Variants in NBEA observed in about 807,000 individuals in gnomAD.
The protein encoded by NBEA is neurobeachin.
NBEA carries 44 observed loss-of-function variants against 343.4 expected under a neutral mutation model. The observed-to-expected ratio is 0.13, with a 90% confidence interval of 0.10 to 0.16. The LOEUF is 0.16. Among genes scored for constraint, NBEA ranks in the 10% least tolerant of loss-of-function variants. NBEA has a pLI of 1.00. For synonymous variants in NBEA, 1,175 were observed against 1,238.7 expected (o/e 0.95, Z 1.08); for missense variants, 2,555 against 3,631.3 (o/e 0.70, Z 7.62).
intron 16 of NBEA, among the ~76,000 whole-genome samples, chr13:35,120,059 CTTTG>C (rs1040029327): frequency 7.2e-4 from 109 of 152,200 alleles, no homozygotes; most frequent in African/African-American, 2.4e-3. Flanking sequence ...TTAGATTTTG[CTTTG>C]TTTATTATAT....
chr13:35,225,131 G>A (rs529659593), intron 33 of NBEA, among the ~76,000 whole-genome samples: 9 of 152,218 alleles, frequency 5.9e-5, no homozygotes, highest in Non-Finnish European at 7.4e-5. Context: ...GTAGACTACT[G>A]TTATCTGTTA....
intron 47 of NBEA, among the ~76,000 whole-genome samples, 155 bp downstream of exon 47, chr13:35,593,602 A>T (rs2081631072): frequency 6.6e-6 from 1 of 152,124 alleles, no homozygotes. Flanking sequence ...AATAATTTTG[A>T]ACATTATAGA....
chr13:35,006,840 C>T (rs1013898257), intron 1 of NBEA, among the ~76,000 whole-genome samples: 1 of 152,172 alleles, frequency 6.6e-6, no homozygotes, highest in Non-Finnish European at 1.5e-5. Context: ...GCAACCTCCA[C>T]CTCCTGGATT....
chr13:35,546,780 C>G (rs575547001), intron 41 of NBEA, among the ~76,000 whole-genome samples: 13 of 151,992 alleles, frequency 8.6e-5, no homozygotes, highest in Non-Finnish European at 1.6e-4. Context: ...GTCTCGAACT[C>G]CTGACCTTGT....
rs73490339 is a variant in NBEA, at chr13:34,966,798, T to A, written c.294+23684T>A. Among the ~76,000 whole-genome samples the A allele has an allele frequency of 6.4e-3, 966 of 152,108 alleles. 11 individuals carry two copies. Among genetic ancestry groups the A allele is most frequent in the African/African-American group, 0.022 (925 of 41,530 alleles). On this transcript the variant is annotated intron_variant, in intron 1 of 58. Coordinates refer to ENST00000379939, the MANE Select transcript of NBEA (RefSeq NM_001385012.1). ...ATCATTATATTATTGTTTCTGCTAC[T>A]ATACTGCATGTTCATTTAGCACATT...
At chr13:35,655,477 T>G (rs2084772782) in intron 54 of NBEA, 102 bp from the exon 55 acceptor site, 2 of 1,240,816 alleles carry the variant, frequency 1.6e-6, no homozygotes, top group African/African-American at 3.1e-5. Flanking sequence ...AAAATAAAAT[T>G]AAAAATATGG....
chr13:35,161,561 G>T (rs1181913828), intron 22 of NBEA, among the ~76,000 whole-genome samples, 189 bp from the exon 23 acceptor site: 1 of 152,024 alleles, frequency 6.6e-6, no homozygotes, highest in African/African-American at 2.4e-5. Flanking sequence ...AAGCAATAAT[G>T]GAGACTTCAG....
At chr13:35,480,570 C>G (rs1159522640) in intron 41 of NBEA, among the ~76,000 whole-genome samples, 5 of 151,928 alleles carry the variant, frequency 3.3e-5, no homozygotes, top group Non-Finnish European at 7.4e-5. Context: ...GCTTATTACG[C>G]TGGGGAGATA....
intron 52 of NBEA, among the ~76,000 whole-genome samples, chr13:35,651,031 C>G (rs1347330494): frequency 3.3e-5 from 5 of 152,130 alleles, no homozygotes; most frequent in African/African-American, 7.2e-5. Flanking sequence ...CAGAGATAGG[C>G]AGCACATATC....
rs917522812 is a variant in NBEA at position 35,314,138 on chromosome 13, A to G, written c.5903+4546A>G. ...TGGCAGAATTCAGAAGAGATTTCAT[A>G]TGATGCCTTCTGTCTATGAAGTGGC... is the stretch of plus-strand genomic sequence containing the variant. On this transcript the variant is annotated intron_variant, in intron 36 of 58. Coordinates refer to ENST00000379939, the MANE Select transcript of NBEA (RefSeq NM_001385012.1). 7.2e-4 allele frequency among the ~76,000 whole-genome samples: 110 copies of G among 152,182 alleles called. 2 individuals carry two copies. The highest frequency in any genetic ancestry group is 7.2e-3 in the Admixed American group (110 of 15,266).
At chr13:35,317,796 A>G (rs1309381802) in intron 36 of NBEA, among the ~76,000 whole-genome samples, 1 of 152,094 alleles carries the variant, frequency 6.6e-6, no homozygotes, top group Non-Finnish European at 1.5e-5. Flanking sequence ...AGTGGTTTAT[A>G]GTTCTCCTTG....
intron 41 of NBEA, among the ~76,000 whole-genome samples, chr13:35,505,355 C>T (rs191494673): frequency 1.8e-4 from 28 of 152,224 alleles, no homozygotes; most frequent in Non-Finnish European, 2.8e-4. Context: ...CACGATGCTC[C>T]GCAGTTAATG....
chr13:35,225,551 A>G (rs78139432), intron 33 of NBEA, among the ~76,000 whole-genome samples: 4,550 of 151,974 alleles, frequency 0.03, 102 homozygotes, highest in Non-Finnish European at 0.045. Context: ...GCTGCCTCCA[A>G]TTTTTCTCCT....
intron 53 of NBEA, among the ~76,000 whole-genome samples, chr13:35,654,608 C>A (rs546698977): frequency 4.5e-4 from 68 of 152,286 alleles, no homozygotes; most frequent in African/African-American, 1.6e-3. Context: ...TTGAATTCCT[C>A]ATATTGTTTT....
intron 34 of NBEA, among the ~76,000 whole-genome samples, chr13:35,269,676 A>G (rs1176398397): frequency 3.9e-5 from 6 of 152,196 alleles, no homozygotes; most frequent in Admixed American, 2.0e-4. Context: ...AAATTTGACA[A>G]TGAAACAAAA....
At chr13:35,431,239 G>A (rs2045091139) in intron 38 of NBEA, among the ~76,000 whole-genome samples, 1 of 152,030 alleles carries the variant, frequency 6.6e-6, no homozygotes, top group African/African-American at 2.4e-5. Flanking sequence ...CAGACTTAAA[G>A]TGTTCTTCTA....
chr13:35,587,538 G>A (rs1000134918), intron 46 of NBEA, among the ~76,000 whole-genome samples: 1 of 152,122 alleles, frequency 6.6e-6, no homozygotes, highest in African/African-American at 2.4e-5. Context: ...AGTCCTTCCT[G>A]AGAAAATGTT....
intron 47 of NBEA, among the ~76,000 whole-genome samples, 160 bp downstream of exon 47, chr13:35,593,607 TA>T (rs1369821959): frequency 3.3e-5 from 5 of 152,096 alleles, no homozygotes; most frequent in Non-Finnish European, 2.9e-5. Flanking sequence ...TTTTGAACAT[TA>T]TAGAAAATAA....
intron 41 of NBEA, among the ~76,000 whole-genome samples, chr13:35,521,130 C>A (rs1292269502): frequency 6.6e-6 from 1 of 151,776 alleles, no homozygotes; most frequent in Non-Finnish European, 1.5e-5. Context: ...GATAACCTTG[C>A]AATAAGGGAG....
Sources: gnomAD v4.1 joint callset for allele counts (sites outside exome capture counted in the v4.1 genomes callset) on GRCh38, gnomAD v4.1.1 for gene constraint, MANE v1.5 for transcripts, NCBI Gene and HGNC (gene_info 2026-07-23, HGNC 2026-07-21) for gene names.